CAST: variants seen among roughly 807,000 people sequenced by gnomAD.
The protein encoded by CAST is MIR583 host.
CAST carries 76 observed loss-of-function variants against 119.6 expected under a neutral mutation model. The observed-to-expected ratio is 0.64, with a 90% CI of 0.53 to 0.77. The LOEUF is 0.77. Ranked by LOEUF, CAST falls within the 30% of genes least tolerant of loss-of-function variation. The probability of loss-of-function intolerance (pLI) is 0.00; values close to 1 mark genes in which losing one functional copy is unlikely to be tolerated. For missense variants in CAST, 953 were observed against 946.5 expected (o/e 1.01, Z -0.09); for synonymous variants, 319 against 331.6 (o/e 0.96, Z 0.41).
At chr5:96,593,596 G>A (rs946511819) in intron 1 of CAST, among the ~76,000 whole-genome samples, 1 of 152,214 alleles carries the variant, frequency 6.6e-6, no homozygotes, top group Non-Finnish European at 1.5e-5. Flanking sequence ...GACTGAATGA[G>A]CAGAAGAGAT....
chr5:96,431,364 G>T, the CAST span, among the ~76,000 whole-genome samples: 1 of 152,100 alleles, frequency 6.6e-6, no homozygotes. Flanking sequence ...TCTCCTTTGG[G>T]CAGTTTTCAT....
intron 16 of CAST, among the ~76,000 whole-genome samples, chr5:96,743,955 C>T (rs1209684409): frequency 1.3e-5 from 2 of 152,096 alleles, no homozygotes; most frequent in Non-Finnish European, 2.9e-5. Context: ...AAGCTTCTTA[C>T]AGACACTTAA....
chr5:96,612,890 C>T (rs907573432), intron 1 of CAST, among the ~76,000 whole-genome samples: 1 of 152,126 alleles, frequency 6.6e-6, no homozygotes, highest in African/African-American at 2.4e-5. Flanking sequence ...CACATATATA[C>T]ATGTGTAAAT....
At chr5:96,510,458 C>G in the CAST span, among the ~76,000 whole-genome samples, 1 of 152,168 alleles carries the variant, frequency 6.6e-6, no homozygotes, top group Non-Finnish European at 1.5e-5. Context: ...TACGCTGAAG[C>G]TCTGGTGAGC....
chr5:96,376,059 AT>A, the CAST span, among the ~76,000 whole-genome samples: 3 of 149,266 alleles, frequency 2.0e-5, no homozygotes, highest in African/African-American at 4.9e-5. Flanking sequence ...ATCTTTACTC[AT>A]TTTTTTTTCT....
intron 28 of CAST, 139 bp from the exon 29 acceptor site, chr5:96,767,768 A>C: frequency 1.6e-6 from 1 of 636,278 alleles, no homozygotes; most frequent in East Asian, 2.7e-5. Flanking sequence ...CCTTTACAAT[A>C]CATTATTATT....
chr5:95,974,176 C>A, the CAST span, among the ~76,000 whole-genome samples: 2 of 152,122 alleles, frequency 1.3e-5, no homozygotes. Context: ...ACCTTACCAC[C>A]CATTGATAAC....
chr5:96,763,147 T>C lies in CAST; in HGVS notation c.1932+775T>C, dbSNP rs144554622. On this transcript the variant is annotated intron_variant, in intron 25 of 31. Transcript: ENST00000675179. ...AAGTCAGCTATGCTTCCATTCCGTT[T>C]GATGTAGCATCAAAGCATATTTAGT... 6.3e-5 allele frequency: 49 copies of C among 780,456 alleles called. No homozygotes were observed. In the African/African-American group the frequency reaches 7.9e-4, roughly 13 times the overall value. 48.3% of individuals were successfully genotyped at this position (780,456 alleles called of 1,614,324 possible).
At chr5:96,109,741 C>T in the CAST span, among the ~76,000 whole-genome samples, 3 of 152,036 alleles carry the variant, frequency 2.0e-5, no homozygotes, top group Non-Finnish European at 2.9e-5. Context: ...GATGAGGGGG[C>T]AGCAAATTGA....
the CAST span, among the ~76,000 whole-genome samples, chr5:96,012,581 T>C: frequency 1.3e-5 from 2 of 152,194 alleles, no homozygotes; most frequent in Admixed American, 1.3e-4. Context: ...GACACAACTC[T>C]TCAGGACAAG....
chr5:96,440,121 A>C, the CAST span, among the ~76,000 whole-genome samples: 1 of 151,660 alleles, frequency 6.6e-6, no homozygotes, highest in Admixed American at 6.6e-5. Flanking sequence ...TGACCCCTAC[A>C]GTTCTCAGAC....
chr5:96,186,746 G>T, the CAST span, among the ~76,000 whole-genome samples: 1 of 152,136 alleles, frequency 6.6e-6, no homozygotes, highest in Non-Finnish European at 1.5e-5. Flanking sequence ...GGTACGTTTG[G>T]TTTGCCAGTA....
chr5:96,182,379 C>T, the CAST span, among the ~76,000 whole-genome samples: 2 of 152,196 alleles, frequency 1.3e-5, no homozygotes, highest in African/African-American at 2.4e-5. Context: ...CCTTTGGAAC[C>T]CTCCTATGAG....
the CAST span, among the ~76,000 whole-genome samples, chr5:96,495,696 T>G: frequency 6.6e-6 from 1 of 152,224 alleles, no homozygotes; most frequent in Non-Finnish European, 1.5e-5. Context: ...GTTCCAAGTC[T>G]TTGCTATTGT....
the CAST span, chr5:96,410,771 T>TA: frequency 4.3e-6 from 7 of 1,611,238 alleles, no homozygotes; most frequent in Non-Finnish European, 5.9e-6. Flanking sequence ...AAAAGCAACA[T>TA]ACGATTCTCT....
chr5:96,724,699 T>C (rs1473039893), intron 4 of CAST, among the ~76,000 whole-genome samples: 2 of 151,978 alleles, frequency 1.3e-5, no homozygotes, highest in East Asian at 1.9e-4. Flanking sequence ...GGTTTACTCC[T>C]GTAGTCTCAG....
chr5:96,097,329 CTTT>C, the CAST span, among the ~76,000 whole-genome samples: 1 of 137,336 alleles, frequency 7.3e-6, no homozygotes. Context: ...AGCTCAAAGT[CTTT>C]TTTTTTTTTT....
Position 96,741,350 on chromosome 5 carries a change from G to A in CAST, c.1003G>A (p.Glu335Lys), listed in dbSNP as rs1228844538. The change falls in exon 14 of 32, where the codon GAA becomes AAA. Residue 335 changes from glutamate to lysine, a missense_variant. Physicochemically the swap from Glu to Lys is moderately conservative, Grantham distance 56. Transcript: ENST00000675179. ...GSPTAAGKKT[E>K]KEESTEVLKA... is the part of the protein sequence containing the mutation. ...GCCTACAGCTGCTGGAAAGAAAACT[G>A]AAAAAGAGGTATTGTTTTTAGTGTT... is the stretch of plus-strand genomic sequence containing the variant. The A allele has an allele frequency of 6.2e-7, 1 of 1,604,954 alleles. No homozygotes were observed. The highest frequency in any genetic ancestry group is 1.3e-5 in the African/African-American group (1 of 74,826).
chr5:96,737,922 C>T lies in CAST; in HGVS notation c.773C>T (p.Thr258Ile), dbSNP rs757478025. 2.3e-5 allele frequency: 37 copies of T among 1,599,866 alleles called. No individual in the cohort carries two copies. The highest frequency in any genetic ancestry group is 3.2e-5 in the Non-Finnish European group (37 of 1,167,454). The change falls in exon 11 of 32, where the codon ACA (threonine) becomes ATA (isoleucine). Residue 258 changes from threonine (T) to isoleucine (I), a missense_variant. Thr to Ile is a moderately conservative substitution (Grantham distance 89, BLOSUM62 -1). Transcript: ENST00000675179. ...GGPEETEEENTTYTGPEVSDP... is the reference protein window; with the variant it reads ...GGPEETEEENITYTGPEVSDP... The stretch of plus-strand genomic sequence containing the variant: ...CCTGAAGAAACTGAAGAAGAAAATA[C>T]AACGTATACTGGACCAGAAGTTTCA...
Sources: gnomAD v4.1 joint callset for allele counts (sites outside exome capture counted in the v4.1 genomes callset) on GRCh38, gnomAD v4.1.1 for gene constraint, MANE v1.5 for transcripts, NCBI Gene and HGNC (gene_info 2026-07-23, HGNC 2026-07-21) for gene names.